ODF2: variants seen among roughly 807,000 people sequenced by gnomAD.
ODF2 encodes outer dense fiber protein 2.
ODF2 carries 47 observed loss-of-function variants against 110.2 expected under a neutral mutation model. The observed-to-expected ratio is 0.43, with a 90% CI of 0.34 to 0.54. ODF2 has a LOEUF of 0.54. Ranked by LOEUF, ODF2 falls within the 20% of genes least tolerant of loss-of-function variation. The pLI is 0.03. For missense variants in ODF2, 812 were observed against 1,054.5 expected, an observed-to-expected ratio of 0.77 and a Z score of 3.19; for synonymous variants, 352 against 397.7, an observed-to-expected ratio of 0.89 and a Z score of 1.37.
At chr9:128,459,446 G>A in intron 2 of ODF2, 121 bp from the exon 2 acceptor site, 1 of 737,332 alleles carries the variant, frequency 1.4e-6, no homozygotes, top group Non-Finnish European at 2.3e-6. Context: ...AGGAATTCCA[G>A]GCTGGTTTTC....
chr9:128,467,400 T>C (rs567339416), intron 4 of ODF2, among the ~76,000 whole-genome samples: 1 of 152,210 alleles, frequency 6.6e-6, no homozygotes, highest in East Asian at 1.9e-4. Context: ...GTTTATACAT[T>C]TTCCTATTTT....
chr9:128,494,529 C>G lies in ODF2; in HGVS notation c.1772C>G (p.Ser591Cys). ...TTTCAGGCACGAAGGCAGTTCCAGT[C>G]TCAGCTGGCTGACCTGCAGCAGCTC... Residue 591 changes from serine to cysteine, a missense_variant, in exon 17 of 21, where the codon TCT (serine) becomes TGT (cysteine). This residue lies in a region of ODF2 where 165 missense variants were observed against 293.4 expected (regional missense o/e 0.56). Transcript: ENST00000604420. This position sits in a 1 kb window ranked among gnomAD's most constrained non-coding sequence, Gnocchi z 4.6. 1 of 1,614,200 alleles carries G rather than the reference C, an allele frequency of 6.2e-7. No individual in the cohort carries two copies. The highest frequency in any genetic ancestry group is 8.5e-7 in the Non-Finnish European group (1 of 1,180,036).
At chr9:128,464,065 G>A (rs750675796) in intron 4 of ODF2, among the ~76,000 whole-genome samples, 4 of 151,088 alleles carry the variant, frequency 2.6e-5, no homozygotes, top group Non-Finnish European at 5.9e-5. Flanking sequence ...GGCTGGTCTC[G>A]AACTCCTGAC....
exon 6 of ODF2, chr9:128,471,463 C>T: frequency 1.2e-6 from 2 of 1,613,192 alleles, no homozygotes; most frequent in Non-Finnish European, 1.7e-6. Context: ...AGAAGGACTT[C>T]ACCATGTAAG....
At chr9:128,471,418 G>A (rs767852970) in exon 6 of ODF2, 21 of 1,613,414 alleles carry the variant, frequency 1.3e-5, no homozygotes, top group East Asian at 4.5e-5. Flanking sequence ...ACGAGAACAC[G>A]GTGTTGAGGC....
chr9:128,491,795 G>A (rs1432295280), intron 14 of ODF2, among the ~76,000 whole-genome samples: 3 of 151,900 alleles, frequency 2.0e-5, no homozygotes, highest in African/African-American at 7.3e-5. Flanking sequence ...AAGTTATGCA[G>A]CTATAGATAT....
Position 128,459,630 on chromosome 9 carries a change from T to TTGTGGCGCACCCAGTGTAAC in ODF2, c.101_120dup (p.Thr41AlafsTer5). The TTGTGGCGCACCCAGTGTAAC allele has an allele frequency of 1.2e-6, 2 of 1,613,920 alleles. No homozygotes were observed. The highest frequency in any genetic ancestry group is 1.7e-6 in the Non-Finnish European group (2 of 1,179,858). On this transcript the variant is annotated frameshift_variant, in exon 3 of 21. Transcript: ENST00000604420. LOFTEE classifies it high-confidence loss of function. The stretch of plus-strand genomic sequence containing the variant: ...CGCAGAAAAAGGTCTTGAGAGCACC[T>TTGTGGCGCACCCAGTGTAAC]TGTGGCGCACCCAGTGTAACTGTGA...
chr9:128,462,724 C>T (rs931014903), intron 4 of ODF2, among the ~76,000 whole-genome samples: 9 of 152,172 alleles, frequency 5.9e-5, no homozygotes, highest in African/African-American at 1.7e-4. Context: ...CTCAGCCTCC[C>T]GAGTAGCTGG....
In ODF2 at chr9:128,460,125, TTG is replaced by T. The variant is rs760798824; in HGVS notation, c.123+474_123+475del. On this transcript the variant is annotated intron_variant, in intron 3 of 20. Transcript: ENST00000604420. ...TGATTTATTCTGCACCCTGAGCATT[TTG>T]TGTGTTTCCCACGCCAATCTGCATG... is the stretch of plus-strand genomic sequence containing the variant. 2.2e-5 allele frequency: 28 copies of T among 1,294,534 alleles called. No homozygotes were observed. The South Asian group carries it at 3.3e-4, about 15-fold the overall frequency. The allele number at this position is 1,294,534 out of a possible 1,614,324, so 80.2% of individuals were successfully genotyped here.
Position 128,488,032 on chromosome 9 carries a change from A to C in ODF2, c.1536+7A>C. Reference sequence around the variant, plus strand: ...GGAGAATGAGAGGCTGAAGGTTCGCAGTGAGAGCTGGGGACCAGGCAGCTG... The same window carrying C: ...GGAGAATGAGAGGCTGAAGGTTCGCCGTGAGAGCTGGGGACCAGGCAGCTG... On this transcript the variant is annotated splice_region_variant and intron_variant, in intron 14 of 20. Transcript: ENST00000604420. The C allele has an allele frequency of 6.2e-7, 1 of 1,613,492 alleles. No individual in the cohort carries two copies. Among genetic ancestry groups the C allele is most frequent in the Non-Finnish European group, 8.5e-7 (1 of 1,179,730 alleles).
At chr9:128,458,709 G>T (rs1330637247) in intron 2 of ODF2, among the ~76,000 whole-genome samples, 1 of 151,738 alleles carries the variant, frequency 6.6e-6, no homozygotes, top group African/African-American at 2.4e-5. Flanking sequence ...GAGCTTAAAG[G>T]ATAGCAAGTG....
At chr9:128,496,880 A>G (rs1845644590) in intron 18 of ODF2, among the ~76,000 whole-genome samples, 1 of 152,080 alleles carries the variant, frequency 6.6e-6, no homozygotes, top group African/African-American at 2.4e-5. Flanking sequence ...GGCGTATGCC[A>G]CCATGCCTGG....
At chr9:128,473,566 C>G (rs1260528676) in intron 7 of ODF2, 44 bp from the exon 8 acceptor site, 9 of 1,608,538 alleles carry the variant, frequency 5.6e-6, no homozygotes, top group Non-Finnish European at 7.6e-6. Context: ...CCTGCTTCTT[C>G]CCTTCTCCCC....
exon 21 of ODF2, chr9:128,500,355 A>G (rs1375170771): frequency 8.1e-7 from 1 of 1,230,134 alleles, no homozygotes; most frequent in African/African-American, 1.5e-5. Flanking sequence ...TCCCAGTGAA[A>G]AAATGGGTTC....
At chr9:128,492,569 C>T in intron 15 of ODF2, 33 bp downstream of exon 15, 1 of 1,548,596 alleles carries the variant, frequency 6.5e-7, no homozygotes, top group South Asian at 1.1e-5. Context: ...CCCTTCTGAG[C>T]AGTGCCCTCC....
chr9:128,484,828 A>C (rs1370909457), exon 12 of ODF2: 1 of 1,613,994 alleles, frequency 6.2e-7, no homozygotes, highest in South Asian at 1.1e-5. Context: ...GCCCAGAAGG[A>C]GCGAGCCGAG....
intron 14 of ODF2, among the ~76,000 whole-genome samples, chr9:128,489,324 A>G (rs1239342562): frequency 6.6e-6 from 1 of 152,230 alleles, no homozygotes; most frequent in African/African-American, 2.4e-5. Context: ...ATGGAAAAGT[A>G]CACAGATCCT....
In ODF2 at chr9:128,456,522, G is replaced by A. The variant is rs1564446377; in HGVS notation, c.-209+267G>A. On this transcript the variant is annotated intron_variant, in intron 1 of 20. Transcript: ENST00000604420. ...CTCTGCCCCTCCTCTGCCGCCCGCG[G>A]GCAGGGCTTCACCTTTCTCTCTATG... 4 of 1,526,230 alleles carry A rather than the reference G, an allele frequency of 2.6e-6. No homozygotes were observed. The East Asian group carries it at 7.7e-5, about 29-fold the overall frequency. 94.5% of individuals were successfully genotyped at this position (1,526,230 alleles called of 1,614,324 possible). A position where few individuals can be genotyped will look rare whatever the true frequency, so the allele number is the denominator to read the frequency against.
At chr9:128,467,524 C>A (rs1479028430) in intron 4 of ODF2, among the ~76,000 whole-genome samples, 1 of 151,918 alleles carries the variant, frequency 6.6e-6, no homozygotes, top group Non-Finnish European at 1.5e-5. Context: ...ACGGGCTTAT[C>A]ACCTGAGGTC....
Sources: allele counts gnomAD v4.1 joint callset (sites outside exome capture counted in the v4.1 genomes callset), GRCh38; gene constraint gnomAD v4.1.1; regional missense constraint gnomAD v4.1.1; non-coding constraint Gnocchi (gnomAD v3.1); transcripts MANE v1.5; gene names NCBI Gene and HGNC (gene_info 2026-07-23, HGNC 2026-07-21).